PAQR5: variants seen among roughly 807,000 people sequenced by gnomAD.
PAQR5 encodes membrane progestin receptor gamma.
PAQR5 carries 20 observed loss-of-function variants against 34.5 expected under a neutral mutation model. The ratio of observed to expected loss-of-function variants is 0.58; its 90% CI spans 0.41 to 0.84. The LOEUF (loss-of-function observed/expected upper bound fraction) is 0.84. Ranked by LOEUF, PAQR5 falls within the 40% of genes least tolerant of loss-of-function variation. PAQR5 has a pLI of 0.00. For missense variants in PAQR5, 378 were observed against 412.7 expected (o/e 0.92, Z 0.73); for synonymous variants, 131 against 155.6 (o/e 0.84, Z 1.18).
intron 1 of PAQR5, among the ~76,000 whole-genome samples, chr15:69,320,399 G>A (rs910553121): frequency 5.3e-5 from 8 of 152,160 alleles, no homozygotes; most frequent in Non-Finnish European, 1.2e-4. Flanking sequence ...CTGGGCATTA[G>A]TATTTTTTAA....
chr15:69,379,563 G>A, intron 3 of PAQR5: 1 of 985,446 alleles, frequency 1.0e-6, no homozygotes, highest in South Asian at 4.7e-5. Flanking sequence ...TAGGCCCCAG[G>A]CAGAGGGGTG....
In PAQR5 at chr15:69,390,360, A is replaced by ATTTATTTT. The variant is rs1555423101; in HGVS notation, c.512+583_512+584insATTTTTTT. 6.6e-3 allele frequency among the ~76,000 whole-genome samples: 898 copies of ATTTATTTT among 135,834 alleles called. 13 individuals are homozygous for ATTTATTTT. Among genetic ancestry groups the ATTTATTTT allele is most frequent in the East Asian group, 0.031 (147 of 4,708 alleles). 89.1% of individuals were successfully genotyped at this position (135,834 alleles called of 152,430 possible). A position where few individuals can be genotyped will look rare whatever the true frequency, so the allele number is the denominator to read the frequency against. On this transcript the variant is annotated intron_variant, in intron 6 of 8. Coordinates refer to ENST00000395407, the MANE Select transcript of PAQR5 (RefSeq NM_017705.4). Reference sequence around the variant, plus strand: ...TATTTATTTATTTATTTATTTATTTATTTTTTTGAGACAGGGTCTCTCTCT... The same window carrying ATTTATTTT: ...TATTTATTTATTTATTTATTTATTTATTTATTTTTTTTTTTGAGACAGGGTCTCTCTCT...
chr15:69,360,793 T>C (rs2055211976), intron 3 of PAQR5, among the ~76,000 whole-genome samples: 1 of 152,222 alleles, frequency 6.6e-6, no homozygotes, highest in Admixed American at 6.5e-5. Flanking sequence ...TCCTTCCTTT[T>C]TGACTAAGAA....
At chr15:69,321,907 C>T (rs2054105357) in intron 1 of PAQR5, among the ~76,000 whole-genome samples, 2 of 152,118 alleles carry the variant, frequency 1.3e-5, no homozygotes, top group African/African-American at 2.4e-5. Flanking sequence ...TGATGGAAAC[C>T]AGGACACTGG....
At chr15:69,384,087 G>GGC (rs2056021514) in intron 4 of PAQR5, among the ~76,000 whole-genome samples, 1 of 129,862 alleles carries the variant, frequency 7.7e-6, no homozygotes. Flanking sequence ...GGTAAACGGG[G>GGC]CCTCTGTGCT....
At chr15:69,315,782 T>C (rs1489839472) in intron 1 of PAQR5, among the ~76,000 whole-genome samples, 1 of 152,176 alleles carries the variant, frequency 6.6e-6, no homozygotes, top group Non-Finnish European at 1.5e-5. Context: ...TGACAAGCAA[T>C]GGCAGTTGGA....
chr15:69,402,787 T>C (rs1364683280), intron 8 of PAQR5, among the ~76,000 whole-genome samples: 1 of 152,224 alleles, frequency 6.6e-6, no homozygotes, highest in Non-Finnish European at 1.5e-5. Context: ...CCATAACACA[T>C]GTGGTCGCCT....
Position 69,397,563 on chromosome 15 carries a change from G to A in PAQR5, c.608G>A (p.Arg203Lys), listed in dbSNP as rs201295140. Residue 203 changes from arginine to lysine, a missense_variant and splice_region_variant, in exon 7 of 9, where the codon AGG becomes AAG. By Grantham distance (26) the Arg-to-Lys change is conservative. Transcript: ENST00000395407. ...TGGGACTCCCTCCCCATCTTCTACAGGGTAAGGACTGGCTGCATCTCCTCT... is the reference window on the plus strand; with the variant it reads ...TGGGACTCCCTCCCCATCTTCTACAAGGTAAGGACTGGCTGCATCTCCTCT... ...YTWDSLPIFY[R>K]LFLFPGESAQ... 3.8e-6 allele frequency: 6 copies of A among 1,592,384 alleles called. No individual in the cohort carries two copies. The highest frequency in any genetic ancestry group is 5.2e-6 in the Non-Finnish European group (6 of 1,160,160).
chr15:69,386,135 CAT>C (rs2056101111), intron 5 of PAQR5, among the ~76,000 whole-genome samples: 1 of 151,722 alleles, frequency 6.6e-6, no homozygotes, highest in African/African-American at 2.4e-5. Flanking sequence ...AATACACTCA[CAT>C]ACACACTCAC....
At chr15:69,356,469 T>C (rs1162464227) in intron 2 of PAQR5, among the ~76,000 whole-genome samples, 1 of 152,250 alleles carries the variant, frequency 6.6e-6, no homozygotes, top group Non-Finnish European at 1.5e-5. Flanking sequence ...TGTATGCCAC[T>C]ATTTTATTGG....
intron 6 of PAQR5, chr15:69,396,960 A>G: frequency 2.9e-6 from 1 of 347,638 alleles, no homozygotes; most frequent in Non-Finnish European, 5.7e-6. Context: ...GTGTGGTATA[A>G]ATATTCCAGA....
chr15:69,327,026 G>T (rs1015442454), intron 1 of PAQR5, among the ~76,000 whole-genome samples: 7 of 151,456 alleles, frequency 4.6e-5, no homozygotes, highest in African/African-American at 1.7e-4. Flanking sequence ...TTGCTCTGTT[G>T]CCTGGGCTTG....
intron 8 of PAQR5, among the ~76,000 whole-genome samples, chr15:69,402,014 G>A (rs1005714020): frequency 6.6e-6 from 1 of 152,192 alleles, no homozygotes; most frequent in Admixed American, 6.5e-5. Context: ...GATTACAGGT[G>A]TGAGCCACCA....
intron 3 of PAQR5, among the ~76,000 whole-genome samples, chr15:69,360,421 G>A (rs891015770): frequency 1.3e-5 from 2 of 152,246 alleles, no homozygotes; most frequent in African/African-American, 4.8e-5. Context: ...AAAGCCAGCA[G>A]CAGCTGGCTG....
intron 2 of PAQR5, among the ~76,000 whole-genome samples, chr15:69,353,606 C>T (rs2054982613): frequency 6.6e-6 from 1 of 152,094 alleles, no homozygotes; most frequent in African/African-American, 2.4e-5. Flanking sequence ...GCAAGGTTGT[C>T]CAGAAGGCTG....
At chr15:69,384,941 C>A in intron 5 of PAQR5, 59 bp downstream of exon 5, 1 of 1,308,524 alleles carries the variant, frequency 7.6e-7, no homozygotes, top group Non-Finnish European at 1.1e-6. Context: ...TGCCCCTTCT[C>A]CTGTGAGCTA....
intron 5 of PAQR5, among the ~76,000 whole-genome samples, chr15:69,388,139 C>T (rs1373826363): frequency 6.6e-6 from 1 of 152,210 alleles, no homozygotes; most frequent in African/African-American, 2.4e-5. Context: ...CTGCCTCCCT[C>T]CTCCCTCCCT....
intron 2 of PAQR5, among the ~76,000 whole-genome samples, chr15:69,351,913 T>C (rs1012843911): frequency 2.6e-5 from 4 of 152,122 alleles, no homozygotes; most frequent in African/African-American, 7.2e-5. Flanking sequence ...TTGGGCTTGT[T>C]TGGATTTTAG....
Position 69,385,219 on chromosome 15 carries a change from C to T in PAQR5, c.385+337C>T, listed in dbSNP as rs190618567. 5.3e-5 allele frequency among the ~76,000 whole-genome samples: 8 copies of T among 152,356 alleles called. No individual in the cohort carries two copies. In the East Asian group the frequency reaches 1.5e-3, roughly 29 times the overall value. ...AAGAGATATGCGTAGCACACTATTA[C>T]AGAAATTCCACCATGCAGATACAGT... On this transcript the variant is annotated intron_variant, in intron 5 of 8. Coordinates refer to ENST00000395407, the MANE Select transcript of PAQR5 (RefSeq NM_017705.4). This position sits in a 1 kb window ranked among gnomAD's most constrained non-coding sequence, Gnocchi z 4.7.
Sources: gnomAD v4.1 joint callset for allele counts (sites outside exome capture counted in the v4.1 genomes callset) on GRCh38, gnomAD v4.1.1 for gene constraint, Gnocchi (gnomAD v3.1) non-coding constraint, MANE v1.5 for transcripts, NCBI Gene and HGNC (gene_info 2026-07-23, HGNC 2026-07-21) for gene names.